The following CFTR variants were observed in gnomAD, a reference collection of about 807,000 sequenced individuals.
CFTR encodes the protein cystic fibrosis transmembrane conductance regulator.
A neutral mutation model predicts 171.6 loss-of-function variants in CFTR; 181 were observed. The ratio of observed to expected loss-of-function variants is 1.05; its 90% CI spans 0.93 to 1.19. CFTR has a LOEUF of 1.19. Ranked by LOEUF, CFTR falls within the 50% of genes most tolerant of loss-of-function variation. The probability of loss-of-function intolerance (pLI) is 0.00; values close to 1 mark genes in which losing one functional copy is unlikely to be tolerated. For missense variants in CFTR, 1,968 were observed against 1,734.7 expected (o/e 1.13, Z -2.39); for synonymous variants, 583 against 608.0 (o/e 0.96, Z 0.60).
chr7:117,491,155 C>T (rs1268349486), intron 1 of CFTR, among the ~76,000 whole-genome samples: 1 of 151,994 alleles, frequency 6.6e-6, no homozygotes, highest in African/African-American at 2.4e-5. Flanking sequence ...CTGAATACTG[C>T]AGGCAGTTGT....
chr7:117,646,282 T>C (rs1027219706), intron 23 of CFTR, among the ~76,000 whole-genome samples: 2 of 152,144 alleles, frequency 1.3e-5, no homozygotes, highest in Non-Finnish European at 2.9e-5. Flanking sequence ...GCAAAAGAAA[T>C]AATGTCCCCA....
At chr7:117,612,021 A>ATGTATATATATATATATATATATATATG (rs1792401457) in intron 20 of CFTR, among the ~76,000 whole-genome samples, 2 of 52,400 alleles carry the variant, frequency 3.8e-5, no homozygotes, top group Non-Finnish European at 7.6e-5. Flanking sequence ...ATATATATAT[A>ATGTATATATATATATATATATATATATG]TGTATATATA....
In CFTR at chr7:117,594,932, G is replaced by T. The variant is rs1301647941; in HGVS notation, c.2493G>T (p.Glu831Asp). 2.5e-6 allele frequency: 4 copies of T among 1,612,870 alleles called. No homozygotes were observed. The highest frequency in any genetic ancestry group is 1.7e-4 in the Middle Eastern group (1 of 6,026). ...ATAGCCATAATTCTTTTATTCAGGAGTGCTTTTTTGATGATATGGAGAGCA... is the reference window on the plus strand; with the variant it reads ...ATAGCCATAATTCTTTTATTCAGGATTGCTTTTTTGATGATATGGAGAGCA... ...SEEINEEDLK[E>D]CFFDDMESIP... is the part of the protein sequence containing the mutation. Residue 831 changes from glutamate (E) to aspartate (D), a missense_variant and splice_region_variant, in exon 15 of 27, where the codon GAG becomes GAT. By Grantham distance (45) the Glu-to-Asp change is conservative (BLOSUM62 2). Transcript: ENST00000003084.
chr7:117,516,605 G>T (rs1207942279), intron 3 of CFTR, among the ~76,000 whole-genome samples: 1 of 152,160 alleles, frequency 6.6e-6, no homozygotes, highest in Non-Finnish European at 1.5e-5. Flanking sequence ...GAGGGTGGCG[G>T]TGGGGAGGGG....
At chr7:117,658,062 G>A (rs1169156715) in intron 24 of CFTR, among the ~76,000 whole-genome samples, 3 of 152,096 alleles carry the variant, frequency 2.0e-5, no homozygotes, top group African/African-American at 7.2e-5. Flanking sequence ...ATTTGATGGA[G>A]GAATTTAAAG....
chr7:117,555,064 T>C (rs1239550197), intron 10 of CFTR, among the ~76,000 whole-genome samples: 1 of 152,098 alleles, frequency 6.6e-6, no homozygotes, highest in Non-Finnish European at 1.5e-5. Context: ...GTTAATACAT[T>C]GGAAAATTTT....
chr7:117,595,128 T>A, intron 15 of CFTR, 70 bp downstream of exon 15: 2 of 1,264,706 alleles, frequency 1.6e-6, no homozygotes, highest in Non-Finnish European at 2.2e-6. Flanking sequence ...GATGTATACA[T>A]ATATATGCAC....
chr7:117,554,780 G>A lies in CFTR; in HGVS notation c.1393-4684G>A, dbSNP rs560546173. 3.3e-5 allele frequency among the ~76,000 whole-genome samples: 5 copies of A among 152,226 alleles called. No individual in the cohort carries two copies. The South Asian group carries it at 1.0e-3, about 32-fold the overall frequency. ...AAGGGTGTTATCAACTAGGTCAAAT[G>A]CTCATTCATCAAGTAAGATGAAACT... is the stretch of plus-strand genomic sequence containing the variant. On this transcript the variant is annotated intron_variant, in intron 10 of 26. Transcript: ENST00000003084.
intron 21 of CFTR, among the ~76,000 whole-genome samples, chr7:117,623,247 A>G (rs1467907607): frequency 1.3e-5 from 2 of 152,182 alleles, no homozygotes; most frequent in African/African-American, 4.8e-5. Flanking sequence ...TCTATTTCTC[A>G]AAGTCTAAGA....
chr7:117,596,444 C>T (rs904179322), intron 15 of CFTR, among the ~76,000 whole-genome samples: 4 of 152,248 alleles, frequency 2.6e-5, no homozygotes, highest in African/African-American at 9.6e-5. Flanking sequence ...AGCACCGCCC[C>T]CTGCTCCACG....
At chr7:117,619,057 T>C (rs765683158) in intron 21 of CFTR, among the ~76,000 whole-genome samples, 25 of 152,192 alleles carry the variant, frequency 1.6e-4, no homozygotes, top group African/African-American at 3.4e-4. Flanking sequence ...ATTCTATAGA[T>C]GGGGTGAAAA....
chr7:117,603,762 C>T lies in CFTR; in HGVS notation c.2888C>T (p.Thr963Ile), dbSNP rs551092617. 7 of 1,613,962 alleles carry T rather than the reference C, an allele frequency of 4.3e-6. No individual in the cohort carries two copies. The highest frequency in any genetic ancestry group is 5.9e-6 in the Non-Finnish European group (7 of 1,179,926). Residue 963 changes from threonine to isoleucine, a missense_variant, in exon 17 of 27, where the codon ACC (threonine) becomes ATC (isoleucine). Transcript: ENST00000003084. ...LHSVLQAPMS[T>I]LNTLKAGGIL... The stretch of plus-strand genomic sequence containing the variant: ...TCTGTTCTTCAAGCACCTATGTCAA[C>T]CCTCAACACGTTGAAAGCAGGTACT...
intron 9 of CFTR, among the ~76,000 whole-genome samples, chr7:117,546,785 T>C (rs1439844270): frequency 6.6e-6 from 1 of 152,188 alleles, no homozygotes; most frequent in Non-Finnish European, 1.5e-5. Context: ...CTGAGATATA[T>C]TTTGTTCCTT....
chr7:117,505,024 T>G (rs1224459205), intron 2 of CFTR, among the ~76,000 whole-genome samples: 1 of 152,134 alleles, frequency 6.6e-6, no homozygotes, highest in Non-Finnish European at 1.5e-5. Flanking sequence ...CCCTGGGAAG[T>G]CTTAAGGTAA....
At chr7:117,510,444 A>G (rs1167023234) in intron 3 of CFTR, among the ~76,000 whole-genome samples, 3 of 152,158 alleles carry the variant, frequency 2.0e-5, no homozygotes, top group Admixed American at 6.6e-5. Context: ...AACATTTTCA[A>G]TAAGTGATTG....
intron 24 of CFTR, among the ~76,000 whole-genome samples, chr7:117,658,712 G>A (rs1793219504): frequency 6.6e-6 from 1 of 152,038 alleles, no homozygotes; most frequent in Non-Finnish European, 1.5e-5. Context: ...GTTCCTCCAC[G>A]GGTACCCACA....
chr7:117,547,211 T>C (rs1799161121), intron 9 of CFTR, among the ~76,000 whole-genome samples: 1 of 152,186 alleles, frequency 6.6e-6, no homozygotes, highest in African/African-American at 2.4e-5. Flanking sequence ...CTTAAAAGAA[T>C]TTTGAAAACC....
chr7:117,660,166 C>T (rs962189536), intron 24 of CFTR, among the ~76,000 whole-genome samples: 5 of 152,094 alleles, frequency 3.3e-5, no homozygotes, highest in Non-Finnish European at 5.9e-5. Flanking sequence ...TTTATATCTA[C>T]AAACTGTTGA....
At chr7:117,603,344 C>T (rs1792253098) in intron 16 of CFTR, among the ~76,000 whole-genome samples, 188 bp from the exon 17 acceptor site, 1 of 152,148 alleles carries the variant, frequency 6.6e-6, no homozygotes, top group South Asian at 2.1e-4. Context: ...ACAACTCAAT[C>T]TCTATCAATA....
Sources: gnomAD v4.1 joint callset for allele counts (sites outside exome capture counted in the v4.1 genomes callset) on GRCh38, gnomAD v4.1.1 for gene constraint, MANE v1.5 for transcripts, NCBI Gene and HGNC (gene_info 2026-07-23, HGNC 2026-07-21) for gene names.